Variants in GNG7 observed in about 807,000 individuals in gnomAD.
The protein encoded by GNG7 is G protein subunit gamma 7.
In GNG7, 1 loss-of-function variant was observed where a neutral mutation model predicts 4.0. The ratio of observed to expected loss-of-function variants is 0.25; its 90% CI spans 0.09 to 1.18. The LOEUF (loss-of-function observed/expected upper bound fraction) is 1.18, where lower values mean the gene tolerates loss of function less well. GNG7 is among the 50% of genes most tolerant of loss of function. The probability of loss-of-function intolerance (pLI) is 0.50; values close to 1 mark genes in which losing one functional copy is unlikely to be tolerated. For synonymous variants in GNG7, 34 were observed against 36.9 expected (o/e 0.92, Z 0.29); for missense variants, 86 against 91.9 (o/e 0.94, Z 0.26).
chr19:2,514,826 A>C lies in GNG7; in HGVS notation c.*196T>G. ...AAATTCATCTCCACCTACAAGGTCC[A>C]TTCTACCCCATCCGGGCGGTGGGAA... On this transcript the variant is annotated 3_prime_UTR_variant, in exon 5 of 5. Transcript: ENST00000382159. 3.7e-6 allele frequency: 2 copies of C among 538,884 alleles called. No individual in the cohort carries two copies. The highest frequency in any genetic ancestry group is 3.1e-5 in the Admixed American group (1 of 31,778). The allele number at this position is 538,884 out of a possible 1,614,324, so 33.4% of individuals were successfully genotyped here. A position where few individuals can be genotyped will look rare whatever the true frequency, so the allele number is the denominator to read the frequency against.
At chr19:2,641,610 C>G (rs1405696719) in intron 2 of GNG7, among the ~76,000 whole-genome samples, 1 of 152,062 alleles carries the variant, frequency 6.6e-6, no homozygotes, top group Admixed American at 6.6e-5. Context: ...CCTGCCCACA[C>G]CTTGATTTTC....
chr19:2,567,911 A>G (rs1278563504), intron 2 of GNG7, among the ~76,000 whole-genome samples: 1 of 152,164 alleles, frequency 6.6e-6, no homozygotes, highest in Admixed American at 6.5e-5. Context: ...TGGAAGGGAG[A>G]GAAGGGCGTT....
At chr19:2,519,166 T>TC (rs1056047301) in intron 4 of GNG7, among the ~76,000 whole-genome samples, 9 of 145,654 alleles carry the variant, frequency 6.2e-5, no homozygotes, top group African/African-American at 2.0e-4. Flanking sequence ...TTTTTTTTTT[T>TC]TTGAGATAGA....
rs996188242 is a variant in GNG7, at chr19:2,535,544, A to G, written c.-37-14819T>C. Among the ~76,000 whole-genome samples, 11 of 151,680 alleles carry G rather than the reference A, an allele frequency of 7.3e-5. No homozygotes were observed. The South Asian group carries it at 2.3e-3, about 32-fold the overall frequency. ...TGAATTGTTGTCCCCAGAACCTGGT[A>G]TATAAATGTTCAAGAGACATTTGCT... On this transcript the variant is annotated intron_variant, in intron 3 of 4. Coordinates refer to ENST00000382159, the MANE Select transcript of GNG7 (RefSeq NM_052847.3).
At chr19:2,638,651 A>G (rs1022148443) in intron 2 of GNG7, among the ~76,000 whole-genome samples, 1 of 150,694 alleles carries the variant, frequency 6.6e-6, no homozygotes, top group Non-Finnish European at 1.5e-5. Flanking sequence ...GGCCATGTTG[A>G]GCAGTGTCCC....
intron 2 of GNG7, chr19:2,632,940 G>C (rs1473059972): frequency 6.6e-6 from 1 of 152,308 alleles, no homozygotes; most frequent in Non-Finnish European, 1.5e-5. Context: ...GCCCATGTCT[G>C]CTCAGGAGCC....
intron 2 of GNG7, among the ~76,000 whole-genome samples, chr19:2,567,331 T>TTGTGTG (rs3221748): frequency 1.6e-4 from 22 of 137,252 alleles, no homozygotes; most frequent in East Asian, 1.5e-3. Flanking sequence ...TGTCGTCGAT[T>TTGTGTG]TGTGTGTGTG....
intron 2 of GNG7, among the ~76,000 whole-genome samples, chr19:2,588,036 G>C (rs370852071): frequency 8.5e-5 from 13 of 152,178 alleles, no homozygotes; most frequent in African/African-American, 3.1e-4. Context: ...GGGCAACTGG[G>C]CATGAAAAGG....
At chr19:2,668,197 C>T (rs1325973132) in intron 1 of GNG7, among the ~76,000 whole-genome samples, 1 of 146,644 alleles carries the variant, frequency 6.8e-6, no homozygotes, top group Non-Finnish European at 1.5e-5. Context: ...AAATCTGAAA[C>T]TATTCTAAAA....
chr19:2,699,441 A>G (rs3745807), intron 1 of GNG7, among the ~76,000 whole-genome samples: 68,468 of 151,826 alleles, frequency 0.45, 16,657 homozygotes, highest in African/African-American at 0.64. Context: ...GAGCCACCGC[A>G]CCCAGCCATA....
chr19:2,664,148 G>A (rs1312641501), intron 1 of GNG7, among the ~76,000 whole-genome samples: 1 of 152,188 alleles, frequency 6.6e-6, no homozygotes, highest in East Asian at 1.9e-4. Flanking sequence ...GAGTGGGCAG[G>A]ACGGGCTGTC....
chr19:2,536,609 G>T (rs923968672), intron 3 of GNG7, among the ~76,000 whole-genome samples: 2 of 152,208 alleles, frequency 1.3e-5, no homozygotes, highest in Admixed American at 6.5e-5. Context: ...GCACTGAAGC[G>T]TGTGTGGGTC....
intron 2 of GNG7, among the ~76,000 whole-genome samples, chr19:2,607,576 A>AG (rs1156797976): frequency 1.0e-3 from 73 of 72,798 alleles, no homozygotes; most frequent in Non-Finnish European, 1.7e-3. Flanking sequence ...AAAAAAAAAA[A>AG]AAAGAAAGAA....
chr19:2,592,416 A>G lies in GNG7; in HGVS notation c.-77-37228T>C, dbSNP rs539754986. Among the ~76,000 whole-genome samples the G allele has an allele frequency of 3.3e-5, 5 of 152,204 alleles. No individual in the cohort carries two copies. In the South Asian group the frequency reaches 1.0e-3, roughly 32 times the overall value. Reference sequence around the variant, plus strand: ...CATCACTTTAAATCTCTCCTCCTCTAAAACCCAAGCAAGACTGGATGAAAG... The same window carrying G: ...CATCACTTTAAATCTCTCCTCCTCTGAAACCCAAGCAAGACTGGATGAAAG... On this transcript the variant is annotated intron_variant, in intron 2 of 4. Coordinates refer to ENST00000382159, the MANE Select transcript of GNG7 (RefSeq NM_052847.3).
intron 2 of GNG7, among the ~76,000 whole-genome samples, chr19:2,574,271 TCCTCTC>T (rs928386859): frequency 1.3e-5 from 2 of 152,152 alleles, no homozygotes; most frequent in Non-Finnish European, 2.9e-5. Flanking sequence ...TTTCAGCCCT[TCCTCTC>T]CCTCTCTCTT....
chr19:2,577,180 C>T (rs1010542884), intron 2 of GNG7, among the ~76,000 whole-genome samples: 4 of 152,210 alleles, frequency 2.6e-5, no homozygotes, highest in Non-Finnish European at 5.9e-5. Context: ...AACACACATC[C>T]ACTTAGTACG....
Position 2,663,680 on chromosome 19 carries a change from A to C in GNG7, c.-134-17400T>G, listed in dbSNP as rs1983234890. ...GCAAAAGCCCAGATGGATAAGGTAC[A>C]TTCACTGAGGGCAAATCAGAAGAAT... On this transcript the variant is annotated intron_variant, in intron 1 of 4. Coordinates refer to ENST00000382159, the MANE Select transcript of GNG7 (RefSeq NM_052847.3). Among the ~76,000 whole-genome samples, 3 of 152,212 alleles carry C rather than the reference A, an allele frequency of 2.0e-5. No individual in the cohort carries two copies. In the South Asian group the frequency reaches 6.2e-4, roughly 32 times the overall value.
intron 2 of GNG7, among the ~76,000 whole-genome samples, chr19:2,572,103 C>G (rs1047431693): frequency 1.3e-5 from 2 of 152,000 alleles, no homozygotes; most frequent in African/African-American, 4.8e-5. Flanking sequence ...CTCACTGCAG[C>G]CTCCACCTCC....
rs893965803 is a variant in GNG7, at chr19:2,633,656, C to G, written c.-78+12568G>C. Among the ~76,000 whole-genome samples the G allele has an allele frequency of 1.3e-5, 2 of 151,926 alleles. No homozygotes were observed. Among genetic ancestry groups the G allele is most frequent in the Non-Finnish European group, 1.5e-5 (1 of 67,950 alleles). On this transcript the variant is annotated intron_variant, in intron 2 of 4. Transcript: ENST00000382159. This position sits in a 1 kb window ranked among gnomAD's most constrained non-coding sequence, Gnocchi z 5.9. ...GGTGGTCGCAATAACAGCTCTGAAA[C>G]GGGGATTCATTGAGAGGACATCGGT...
Sources: gnomAD v4.1 joint callset for allele counts (sites outside exome capture counted in the v4.1 genomes callset) on GRCh38, gnomAD v4.1.1 for gene constraint, Gnocchi (gnomAD v3.1) non-coding constraint, MANE v1.5 for transcripts, NCBI Gene and HGNC (gene_info 2026-07-23, HGNC 2026-07-21) for gene names.